SGTB: variants seen among roughly 807,000 people sequenced by gnomAD.
SGTB encodes the protein small glutamine-rich tetratricopeptide repeat-containing protein beta.
SGTB carries 19 observed loss-of-function variants against 43.9 expected under a neutral mutation model. The observed-to-expected ratio is 0.43, with a 90% CI of 0.30 to 0.63. SGTB has a LOEUF of 0.63. Ranked by LOEUF, SGTB falls within the 30% of genes least tolerant of loss-of-function variation. The pLI, the probability that SGTB is intolerant of heterozygous loss-of-function variation, is 0.12. For missense variants in SGTB, 304 were observed against 358.9 expected (o/e 0.85, Z 1.24); for synonymous variants, 116 against 117.3 (o/e 0.99, Z 0.07).
intron 8 of SGTB, among the ~76,000 whole-genome samples, chr5:65,679,594 G>T (rs1757354286): frequency 6.6e-6 from 1 of 152,170 alleles, no homozygotes; most frequent in Non-Finnish European, 1.5e-5. Flanking sequence ...TCCAGACTGG[G>T]TGACAAGAGT....
At chr5:65,688,178 A>G (rs1757535084) in intron 5 of SGTB, among the ~76,000 whole-genome samples, 1 of 152,194 alleles carries the variant, frequency 6.6e-6, no homozygotes, top group Non-Finnish European at 1.5e-5. Context: ...AGATTTTTAA[A>G]ATAATTTTAT....
intron 4 of SGTB, among the ~76,000 whole-genome samples, chr5:65,706,684 T>A (rs1185635707): frequency 6.6e-6 from 1 of 150,654 alleles, no homozygotes; most frequent in African/African-American, 2.4e-5. Context: ...ATACAAAAAT[T>A]AGCTGGGCGT....
At chr5:65,687,881 G>A (rs1036627545) in intron 5 of SGTB, among the ~76,000 whole-genome samples, 1 of 152,254 alleles carries the variant, frequency 6.6e-6, no homozygotes, top group East Asian at 1.9e-4. Flanking sequence ...TGATTCTCCT[G>A]CCTCAACCCC....
intron 10 of SGTB, 56 bp from the exon 11 acceptor site, chr5:65,670,413 C>T (rs1017313801): frequency 1.7e-5 from 24 of 1,444,548 alleles, no homozygotes; most frequent in Middle Eastern, 1.8e-4. Flanking sequence ...CATTTACCCA[C>T]GCAAAAAGAA....
At chr5:65,708,245 T>C (rs1757972776) in intron 4 of SGTB, among the ~76,000 whole-genome samples, 1 of 152,230 alleles carries the variant, frequency 6.6e-6, no homozygotes, top group Admixed American at 6.5e-5. Context: ...GCCCTTAAGT[T>C]ATGTGTTCTG....
In SGTB at chr5:65,720,698, A is replaced by T. The variant is rs1758253636; in HGVS notation, c.100+10T>A. ...TATAATATAAATGAACACAAAGAGC[A>T]GATGCATACCTTCCAAACTTTCTTG... On this transcript the variant is annotated intron_variant, in intron 2 of 10. Transcript: ENST00000381007. 2.5e-6 allele frequency: 4 copies of T among 1,606,904 alleles called. No individual in the cohort carries two copies. The South Asian group carries it at 3.4e-5, about 14-fold the overall frequency.
intron 1 of SGTB, 82 bp from the exon 2 acceptor site, chr5:65,720,911 G>T: frequency 7.2e-7 from 1 of 1,396,732 alleles, no homozygotes; most frequent in Non-Finnish European, 9.6e-7. Context: ...AGATGATATG[G>T]GTTATAAAGT....
chr5:65,671,888 A>G, intron 10 of SGTB, 27 bp downstream of exon 10: 2 of 1,599,224 alleles, frequency 1.3e-6, no homozygotes, highest in South Asian at 1.1e-5. Context: ...ATACATCTTC[A>G]CTATTTCTGT....
chr5:65,721,674 T>A (rs1024112072), intron 1 of SGTB, among the ~76,000 whole-genome samples: 1 of 152,142 alleles, frequency 6.6e-6, no homozygotes, highest in Admixed American at 6.5e-5. Context: ...GGCCACGGGG[T>A]CATAAGCACT....
intron 5 of SGTB, among the ~76,000 whole-genome samples, chr5:65,691,929 T>C (rs1036104196): frequency 1.4e-5 from 2 of 142,834 alleles, no homozygotes; most frequent in Admixed American, 6.9e-5. Flanking sequence ...AGACTTCGTC[T>C]TAAAGAAAAA....
rs1757890016 is a variant in SGTB, at chr5:65,704,353, A to G, written c.300T>C (p.Asn100=). 6.2e-7 allele frequency: 1 copy of G among 1,612,372 alleles called. No individual in the cohort carries two copies. Among genetic ancestry groups the G allele is most frequent in the Admixed American group, 1.7e-5 (1 of 59,856 alleles). The change falls in exon 5 of 11, where the codon AAT becomes AAC. Residue 100 remains asparagine, a synonymous_variant. Transcript: ENST00000381007. Reference sequence around the variant, plus strand: ...TGTAACAATCCACTGCAGCAGCATAATTTTCTTCTTTCATGTGGTTATTGC... The same window carrying G: ...TGTAACAATCCACTGCAGCAGCATAGTTTTCTTCTTTCATGTGGTTATTGC... ...DEGNNHMKEE[N]YAAAVDCYTQ...
upstream of SGTB, chr5:65,722,538 C>T: frequency 2.2e-6 from 2 of 893,302 alleles, no homozygotes; most frequent in South Asian, 1.6e-5. Flanking sequence ...GACGCACCCT[C>T]CCCGCGGCTT....
At chr5:65,713,826 A>C (rs954213452) in intron 2 of SGTB, among the ~76,000 whole-genome samples, 2 of 152,108 alleles carry the variant, frequency 1.3e-5, no homozygotes, top group Non-Finnish European at 2.9e-5. Flanking sequence ...TCAGGAGTTC[A>C]AGGCCAGCCT....
At chr5:65,713,306 C>G (rs1452111583) in intron 2 of SGTB, among the ~76,000 whole-genome samples, 1 of 151,988 alleles carries the variant, frequency 6.6e-6, no homozygotes, top group Non-Finnish European at 1.5e-5. Context: ...CTTCCCCTTC[C>G]CTCCCTTTCT....
rs1332536929 is a variant in SGTB at position 65,668,180 on chromosome 5, G to C, written c.*2066C>G. 6.6e-6 allele frequency: 1 copy of C among 151,598 alleles called. No individual in the cohort carries two copies. The highest frequency in any genetic ancestry group is 2.4e-5 in the African/African-American group (1 of 41,250). The allele number at this position is 151,598 out of a possible 1,614,324, so 9.4% of individuals were successfully genotyped here. ...TTGGCCAGGCTGGTCTCAAACTCCT[G>C]ACCTCAGGTGATCCCCCCTGCCTTG... On this transcript the variant is annotated 3_prime_UTR_variant, in exon 11 of 11. Transcript: ENST00000381007.
intron 5 of SGTB, among the ~76,000 whole-genome samples, chr5:65,691,854 C>T (rs1021597333): frequency 6.6e-6 from 1 of 150,946 alleles, no homozygotes; most frequent in African/African-American, 2.4e-5. Flanking sequence ...TGGCGTGAAC[C>T]CGGGAGGCGG....
intron 6 of SGTB, among the ~76,000 whole-genome samples, chr5:65,681,641 G>C (rs948923490): frequency 6.6e-6 from 1 of 152,088 alleles, no homozygotes; most frequent in Non-Finnish European, 1.5e-5. Context: ...GAAACTCTAT[G>C]ATGTATAAGA....
At chr5:65,707,845 G>T (rs1382012993) in intron 4 of SGTB, among the ~76,000 whole-genome samples, 1 of 152,084 alleles carries the variant, frequency 6.6e-6, no homozygotes, top group African/African-American at 2.4e-5. Flanking sequence ...TCTATATATA[G>T]AACAGAGGAT....
At chr5:65,681,679 C>A (rs1052804491) in intron 6 of SGTB, among the ~76,000 whole-genome samples, 1 of 151,948 alleles carries the variant, frequency 6.6e-6, no homozygotes, top group African/African-American at 2.4e-5. Flanking sequence ...TCTAAAGATA[C>A]TGAGGATCCT....
Sources: allele counts gnomAD v4.1 joint callset (sites outside exome capture counted in the v4.1 genomes callset), GRCh38; gene constraint gnomAD v4.1.1; transcripts MANE v1.5; gene names NCBI Gene and HGNC (gene_info 2026-07-23, HGNC 2026-07-21).